Variants in SLC35F3 observed in about 807,000 individuals in gnomAD.
SLC35F3 encodes the protein solute carrier family 35 member F3.
Under a neutral mutation model 49.9 loss-of-function variants are expected in SLC35F3, and 25 were observed. The observed-to-expected ratio is 0.50, with a 90% confidence interval of 0.37 to 0.70. SLC35F3 has a LOEUF of 0.70. Ranked by LOEUF, SLC35F3 falls within the 30% of genes least tolerant of loss-of-function variation. The pLI, the probability that SLC35F3 is intolerant of heterozygous loss-of-function variation, is 0.00. For missense variants in SLC35F3, 525 were observed against 639.8 expected, an observed-to-expected ratio of 0.82 and a Z score of 1.94; for synonymous variants, 275 against 265.4, an observed-to-expected ratio of 1.04 and a Z score of -0.35.
chr1:234,168,665 G>A (rs909329967), intron 2 of SLC35F3, among the ~76,000 whole-genome samples: 6 of 152,256 alleles, frequency 3.9e-5, no homozygotes, highest in African/African-American at 1.4e-4. Context: ...AAATGCAGAG[G>A]TGAGGGTTCA....
At chr1:234,241,832 TG>T (rs1215473839) in intron 3 of SLC35F3, among the ~76,000 whole-genome samples, 1 of 152,018 alleles carries the variant, frequency 6.6e-6, no homozygotes, top group Non-Finnish European at 1.5e-5. Flanking sequence ...AACATGGCCC[TG>T]GGTCAGTGCT....
intron 2 of SLC35F3, among the ~76,000 whole-genome samples, chr1:234,006,189 A>G (rs1663628095): frequency 6.6e-6 from 1 of 152,028 alleles, no homozygotes; most frequent in African/African-American, 2.4e-5. Context: ...TCTTCTCAAG[A>G]CTCTGTTTCC....
At chr1:234,319,402 A>G (rs519143) in intron 6 of SLC35F3, among the ~76,000 whole-genome samples, 89,333 of 152,044 alleles carry the variant, frequency 0.59, 27,420 homozygotes, top group African/African-American at 0.76. Context: ...CCCAGTTTCC[A>G]TCTAAAAACA....
chr1:233,959,879 C>G (rs1558189826), intron 2 of SLC35F3, among the ~76,000 whole-genome samples: 1 of 152,212 alleles, frequency 6.6e-6, no homozygotes, highest in Non-Finnish European at 1.5e-5. Flanking sequence ...TGTGATCAGT[C>G]AGGTGTGACC....
At chr1:233,930,043 G>A (rs1662217530) in intron 2 of SLC35F3, among the ~76,000 whole-genome samples, 1 of 152,076 alleles carries the variant, frequency 6.6e-6, no homozygotes, top group Non-Finnish European at 1.5e-5. Flanking sequence ...CAGCTACTCA[G>A]GAGACTGAGG....
At chr1:234,044,083 G>C (rs1354379810) in intron 2 of SLC35F3, among the ~76,000 whole-genome samples, 1 of 152,144 alleles carries the variant, frequency 6.6e-6, no homozygotes, top group Non-Finnish European at 1.5e-5. Flanking sequence ...GTGGCTTGGT[G>C]ACCTTCTCAC....
Position 234,214,531 on chromosome 1 carries a change from CA to C in SLC35F3, c.284-16885del. On this transcript the variant is annotated intron_variant, in intron 2 of 7. Transcript: ENST00000366618. This position sits in a 1 kb window ranked among gnomAD's most constrained non-coding sequence, Gnocchi z 8.0. Reference sequence around the variant, plus strand: ...AGCACTCGGCCCGGGTGGCCCCGCTCAGCGCCTGCAACAGTCCGGTCCTGAC... The same window carrying C: ...AGCACTCGGCCCGGGTGGCCCCGCTCGCGCCTGCAACAGTCCGGTCCTGAC... 6.4e-7 allele frequency: 1 copy of C among 1,557,258 alleles called. No individual in the cohort carries two copies. Among genetic ancestry groups the C allele is most frequent in the Non-Finnish European group, 8.7e-7 (1 of 1,154,136 alleles).
In SLC35F3 at chr1:234,320,259, C is replaced by A; in HGVS notation, c.1237+72C>A. The A allele has an allele frequency of 9.7e-7, 1 of 1,029,002 alleles. No individual in the cohort carries two copies. Among genetic ancestry groups the A allele is most frequent in the Non-Finnish European group, 1.5e-6 (1 of 652,924 alleles). 63.7% of individuals were successfully genotyped at this position (1,029,002 alleles called of 1,614,324 possible). On this transcript the variant is annotated intron_variant, in intron 7 of 7. Coordinates refer to ENST00000366618, the MANE Select transcript of SLC35F3 (RefSeq NM_173508.4). This position sits in a 1 kb window ranked among gnomAD's most constrained non-coding sequence, Gnocchi z 4.8. ...AGTCACCTACTCACACACACATACA[C>A]ACACTCATGCATACATACACACTCA...
intron 3 of SLC35F3, among the ~76,000 whole-genome samples, chr1:234,297,304 A>G (rs1414877174): frequency 1.3e-5 from 2 of 152,232 alleles, no homozygotes; most frequent in Non-Finnish European, 2.9e-5. Flanking sequence ...TACTGGGTAT[A>G]TATACAAAGG....
chr1:234,237,187 A>C (rs1392439384), intron 3 of SLC35F3, among the ~76,000 whole-genome samples: 1 of 151,916 alleles, frequency 6.6e-6, no homozygotes, highest in African/African-American at 2.4e-5. Flanking sequence ...TCATGGTACT[A>C]ATTATGTAAC....
chr1:234,322,911 T>G, intron 7 of SLC35F3, 97 bp from the exon 8 acceptor site: 1 of 996,988 alleles, frequency 1.0e-6, no homozygotes, highest in Non-Finnish European at 1.5e-6. Flanking sequence ...ACCACAACAC[T>G]GCCAGACAGA....
chr1:234,078,609 T>G (rs76751673), intron 2 of SLC35F3, among the ~76,000 whole-genome samples: 3,214 of 152,290 alleles, frequency 0.021, 106 homozygotes, highest in African/African-American at 0.073. Flanking sequence ...CTCAGATTCC[T>G]TTGCAGGCCC....
chr1:234,208,426 A>G (rs1667006208), intron 2 of SLC35F3, among the ~76,000 whole-genome samples: 1 of 152,148 alleles, frequency 6.6e-6, no homozygotes, highest in Non-Finnish European at 1.5e-5. Context: ...AAGAGTAACA[A>G]ACCTCCAGAA....
chr1:234,083,846 T>A (rs1383247801), intron 2 of SLC35F3, among the ~76,000 whole-genome samples: 22 of 151,564 alleles, frequency 1.5e-4, no homozygotes, highest in Non-Finnish European at 2.7e-4. Flanking sequence ...TGGCTTTTTT[T>A]TTTTTTTTGA....
chr1:234,265,352 T>C (rs1478797045), intron 3 of SLC35F3, among the ~76,000 whole-genome samples: 1 of 151,620 alleles, frequency 6.6e-6, no homozygotes, highest in Admixed American at 6.6e-5. Flanking sequence ...TTTTGTTTTT[T>C]TGGTAGAGAT....
intron 2 of SLC35F3, among the ~76,000 whole-genome samples, chr1:233,980,166 A>G (rs1663157603): frequency 6.6e-6 from 1 of 152,220 alleles, no homozygotes; most frequent in African/African-American, 2.4e-5. Context: ...TTGAAGGATG[A>G]GGAGGACTTT....
In SLC35F3 at chr1:234,322,935, A is replaced by G. The variant is rs1656492314; in HGVS notation, c.1238-73A>G. On this transcript the variant is annotated intron_variant, in intron 7 of 7. Coordinates refer to ENST00000366618, the MANE Select transcript of SLC35F3 (RefSeq NM_173508.4). ...CTGCCAGACAGAGGAGGGTGCCCCC[A>G]GGCCCTGCCCACTCTCCAGGGACAT... 1.0e-5 allele frequency: 13 copies of G among 1,280,214 alleles called. No individual in the cohort carries two copies. In the Admixed American group the frequency reaches 2.4e-4, roughly 23 times the overall value. The allele number at this position is 1,280,214 out of a possible 1,614,324, so 79.3% of individuals were successfully genotyped here.
At chr1:234,203,757 T>C (rs377661138) in intron 2 of SLC35F3, among the ~76,000 whole-genome samples, 2 of 151,472 alleles carry the variant, frequency 1.3e-5, no homozygotes, top group East Asian at 1.9e-4. Context: ...GTGAACCGAA[T>C]TTTAAAAGCA....
rs530447111 is a variant in SLC35F3 at position 234,231,557 on chromosome 1, G to T, written c.424G>T (p.Val142Leu). The change falls in exon 3 of 8, where the codon GTG becomes TTG. Residue 142 changes from valine to leucine, a missense_variant. Val to Leu is a conservative substitution (Grantham distance 32). Coordinates refer to ENST00000366618, the MANE Select transcript of SLC35F3 (RefSeq NM_173508.4). The surrounding 1 kb of genome is among the most constrained non-coding windows in gnomAD (Gnocchi z 5.4). ...GAAGATCTTCTGGGGCGTGGCGGTC[G>T]TGCTGTGCGTGTGCTCCTCGTGGGC... ...LKKIFWGVAV[V>L]LCVCSSWAGS... The T allele has an allele frequency of 2.5e-6, 4 of 1,614,156 alleles. No individual in the cohort carries two copies. The highest frequency in any genetic ancestry group is 2.5e-6 in the Non-Finnish European group (3 of 1,180,012).
Sources: allele counts gnomAD v4.1 joint callset (sites outside exome capture counted in the v4.1 genomes callset), GRCh38; gene constraint gnomAD v4.1.1; non-coding constraint Gnocchi (gnomAD v3.1); transcripts MANE v1.5; gene names NCBI Gene and HGNC (gene_info 2026-07-23, HGNC 2026-07-21).